Variants in DZANK1 observed in about 807,000 individuals in gnomAD.
DZANK1 encodes double zinc ribbon and ankyrin repeat-containing protein 1.
A neutral mutation model predicts 94.5 loss-of-function variants in DZANK1; 91 were observed. That is an observed-to-expected ratio of 0.96 (90% CI 0.81 to 1.15). DZANK1 has a LOEUF of 1.15. Among genes scored for constraint, DZANK1 ranks in the 50% most tolerant of loss-of-function variants. The pLI, the probability that DZANK1 is intolerant of heterozygous loss-of-function variation, is 0.00. For missense variants in DZANK1, 903 were observed against 916.4 expected (o/e 0.99, Z 0.19); for synonymous variants, 312 against 325.3 (o/e 0.96, Z 0.44).
intron 3 of DZANK1, among the ~76,000 whole-genome samples, chr20:18,457,633 G>T (rs920730396): frequency 6.6e-6 from 1 of 152,128 alleles, no homozygotes; most frequent in African/African-American, 2.4e-5. Context: ...ATGACATTGC[G>T]TTTATCCTCA....
At chr20:18,452,111 A>T in intron 6 of DZANK1, 1 of 337,176 alleles carries the variant, frequency 3.0e-6, no homozygotes, top group Non-Finnish European at 5.7e-6. Flanking sequence ...CCCACATCAG[A>T]CCAATTAAAT....
intron 20 of DZANK1, 71 bp from the exon 21 acceptor site, chr20:18,384,635 C>A: frequency 6.8e-7 from 1 of 1,470,236 alleles, no homozygotes; most frequent in East Asian, 2.5e-5. Context: ...CTTGACTCTA[C>A]CCTGCCATGG....
chr20:18,384,408 A>G (rs1025895716), exon 21 of DZANK1: 4 of 1,610,608 alleles, frequency 2.5e-6, no homozygotes, highest in Admixed American at 1.7e-5. Flanking sequence ...GCTAACAGTC[A>G]TCCAGGCTGA....
intron 2 of DZANK1, among the ~76,000 whole-genome samples, chr20:18,463,563 CT>C (rs1372467197): frequency 6.6e-6 from 1 of 152,104 alleles, no homozygotes; most frequent in Non-Finnish European, 1.5e-5. Flanking sequence ...GGTTACTGTT[CT>C]TTTTGTTACT....
intron 2 of DZANK1, 52 bp downstream of exon 2, chr20:18,465,198 A>T: frequency 8.1e-7 from 1 of 1,234,424 alleles, no homozygotes; most frequent in East Asian, 2.6e-5. Flanking sequence ...CAGATAACAC[A>T]AGAAATATGA....
chr20:18,464,667 CTTTTTTTT>C (rs1167738427), intron 2 of DZANK1, among the ~76,000 whole-genome samples: 1 of 77,824 alleles, frequency 1.3e-5, no homozygotes, highest in African/African-American at 5.3e-5. Context: ...AGCACCGGGA[CTTTTTTTT>C]TTTTTTTTTT....
chr20:18,420,176 T>G (rs1322666533), intron 10 of DZANK1: 1 of 204,214 alleles, frequency 4.9e-6, no homozygotes, highest in Non-Finnish European at 1.1e-5. Context: ...TTTTAAAGTC[T>G]CCAAAGCTTT....
At position 18,453,847 on chromosome 20, in the gene DZANK1, A is replaced by C. The variant is rs369463775; in HGVS notation, c.379-20T>G. The C allele has an allele frequency of 4.4e-6, 6 of 1,364,116 alleles. No individual in the cohort carries two copies. The African/African-American group carries it at 5.7e-5, about 13-fold the overall frequency. The allele number at this position is 1,364,116 out of a possible 1,614,324, so 84.5% of individuals were successfully genotyped here. A position where few individuals can be genotyped will look rare whatever the true frequency, so the allele number is the denominator to read the frequency against. ...GAATTCCTAGGAATGAAGAGATTGCATATCAATCACTTGGTTATTCCCATG... is the reference window on the plus strand; with the variant it reads ...GAATTCCTAGGAATGAAGAGATTGCCTATCAATCACTTGGTTATTCCCATG... On this transcript the variant is annotated intron_variant, in intron 4 of 20. Coordinates refer to ENST00000262547, the Ensembl canonical transcript of DZANK1.
intron 2 of DZANK1, among the ~76,000 whole-genome samples, chr20:18,463,672 T>C (rs1267328207): frequency 6.6e-6 from 1 of 152,224 alleles, no homozygotes; most frequent in East Asian, 1.9e-4. Flanking sequence ...ACCCAACTTC[T>C]CCTAAGAATT....
At chr20:18,449,774 A>G (rs1167036377) in intron 6 of DZANK1, among the ~76,000 whole-genome samples, 1 of 133,824 alleles carries the variant, frequency 7.5e-6, no homozygotes, top group Non-Finnish European at 1.6e-5. Context: ...AAAAAAAAAA[A>G]GTAAAAATAA....
At chr20:18,460,379 G>T (rs1041711130) in intron 2 of DZANK1, 73 bp from the exon 3 acceptor site, 24 of 1,088,468 alleles carry the variant, frequency 2.2e-5, no homozygotes, top group Admixed American at 1.7e-4. Flanking sequence ...CTATAGGTCA[G>T]TTTAAGATCT....
At chr20:18,421,122 A>G (rs1476193321) in intron 10 of DZANK1, 1 of 154,850 alleles carries the variant, frequency 6.5e-6, no homozygotes, top group Non-Finnish European at 1.4e-5. Flanking sequence ...GTTCTACAAT[A>G]TATCTACATC....
intron 8 of DZANK1, among the ~76,000 whole-genome samples, chr20:18,438,228 AAAAAAAAAAAAGAAATAACAC>A (rs2058601421): frequency 8.1e-6 from 1 of 123,548 alleles, no homozygotes; most frequent in South Asian, 2.7e-4. Flanking sequence ...CAAAAAAAAA[AAAAAAAAAAAAGAAATAACAC>A]AAAAGAAAGC....
chr20:18,398,167 T>C (rs921112590), intron 14 of DZANK1, among the ~76,000 whole-genome samples: 1 of 152,252 alleles, frequency 6.6e-6, no homozygotes, highest in Non-Finnish European at 1.5e-5. Flanking sequence ...GCAGCTGTTA[T>C]GTCACTATTG....
chr20:18,455,028 C>T (rs967785085), intron 4 of DZANK1, among the ~76,000 whole-genome samples: 1 of 152,248 alleles, frequency 6.6e-6, no homozygotes, highest in African/African-American at 2.4e-5. Context: ...GGAGCATGGA[C>T]CCCAATGCTC....
Position 18,446,261 on chromosome 20 carries a change from G to A in DZANK1, c.629+2723C>T, listed in dbSNP as rs117324842. On this transcript the variant is annotated intron_variant, in intron 7 of 20. Transcript: ENST00000262547. ...CCCTAAGAAAGAAAGAAGAAAGGACGAAAGGAAGGAAGGAAAGAAGGAAGG... is the reference window on the plus strand; with the variant it reads ...CCCTAAGAAAGAAAGAAGAAAGGACAAAAGGAAGGAAGGAAAGAAGGAAGG... Among the ~76,000 whole-genome samples the A allele has an allele frequency of 4.4e-3, 672 of 151,892 alleles. 5 individuals are homozygous for A. Among genetic ancestry groups the A allele is most frequent in the Non-Finnish European group, 5.1e-3 (345 of 67,970 alleles).
intron 8 of DZANK1, 139 bp downstream of exon 8, chr20:18,443,208 T>C: frequency 1.5e-6 from 1 of 658,642 alleles, no homozygotes; most frequent in Non-Finnish European, 2.7e-6. Context: ...TAAGTAGGAG[T>C]GTGTAAGAGT....
rs774058083 is a variant in DZANK1, at chr20:18,443,385, T to C, written c.709A>G (p.Ile237Val). 80 of 1,550,098 alleles carry C rather than the reference T, an allele frequency of 5.2e-5. 1 individual carries two copies. The South Asian group carries it at 8.5e-4, about 16-fold the overall frequency. ...GGGGGTGGGAGACGACAGCCAAATA[T>C]GGGTGGGACAGGAGAGCCACATTCT... Residue 237 changes from isoleucine to valine, a missense_variant, in exon 8 of 21, where the codon ATA becomes GTA. Physicochemically the swap from Ile to Val is conservative, Grantham distance 29. Coordinates refer to ENST00000262547, the Ensembl canonical transcript of DZANK1.
chr20:18,394,478 G>A, intron 15 of DZANK1, 128 bp from the exon 16 acceptor site: 3 of 917,370 alleles, frequency 3.3e-6, no homozygotes, highest in East Asian at 2.7e-5. Context: ...AGTGGAGCCT[G>A]AGACCTGGAT....
Sources: gnomAD v4.1 joint callset for allele counts (sites outside exome capture counted in the v4.1 genomes callset) on GRCh38, gnomAD v4.1.1 for gene constraint, MANE v1.5 for transcripts, NCBI Gene and HGNC (gene_info 2026-07-23, HGNC 2026-07-21) for gene names.